The following CACNA2D3 variants were observed in gnomAD, a reference collection of about 807,000 sequenced individuals.
CACNA2D3 encodes voltage-dependent calcium channel subunit alpha-2/delta-3.
A neutral mutation model predicts 160.6 loss-of-function variants in CACNA2D3; 60 were observed. The ratio of observed to expected loss-of-function variants is 0.37; its 90% CI spans 0.30 to 0.46. CACNA2D3 has a LOEUF of 0.46. Ranked by LOEUF, CACNA2D3 falls within the 20% of genes least tolerant of loss-of-function variation. CACNA2D3 has a pLI of 1.00. For synonymous variants in CACNA2D3, 558 were observed against 492.9 expected (o/e 1.13, Z -1.75); for missense variants, 1,205 against 1,365.0 (o/e 0.88, Z 1.85).
chr3:54,816,207 A>T lies in CACNA2D3; in HGVS notation c.1381-646A>T, dbSNP rs570569470. 3.9e-5 allele frequency among the ~76,000 whole-genome samples: 6 copies of T among 152,340 alleles called. No individual in the cohort carries two copies. In the South Asian group the frequency reaches 1.2e-3, roughly 32 times the overall value. On this transcript the variant is annotated intron_variant, in intron 13 of 37. Coordinates refer to ENST00000474759, the MANE Select transcript of CACNA2D3 (RefSeq NM_018398.3). Reference sequence around the variant, plus strand: ...CCTGGTGCATACTTCCTTAACCATCAATAAAGGGAACAGTTAATGTGCTAC... The same window carrying T: ...CCTGGTGCATACTTCCTTAACCATCTATAAAGGGAACAGTTAATGTGCTAC...
chr3:54,387,567 G>T (rs1432459517), intron 4 of CACNA2D3, among the ~76,000 whole-genome samples: 1 of 152,192 alleles, frequency 6.6e-6, no homozygotes. Context: ...CAGGAGAATT[G>T]CTTGAACCTG....
chr3:54,434,417 T>C (rs1489453292), intron 4 of CACNA2D3, among the ~76,000 whole-genome samples: 1 of 152,182 alleles, frequency 6.6e-6, no homozygotes, highest in African/African-American at 2.4e-5. Flanking sequence ...CTAGCTATCA[T>C]TTTGATTTTG....
intron 3 of CACNA2D3, among the ~76,000 whole-genome samples, chr3:54,367,124 C>G (rs1452654110): frequency 6.6e-6 from 1 of 152,190 alleles, no homozygotes; most frequent in Admixed American, 6.5e-5. Context: ...GTCTAATTCT[C>G]TTAGTACCAG....
chr3:54,510,126 G>T (rs1701436697), intron 5 of CACNA2D3, among the ~76,000 whole-genome samples: 1 of 152,068 alleles, frequency 6.6e-6, no homozygotes, highest in African/African-American at 2.4e-5. Context: ...CACATGCATA[G>T]GTAGATGGAT....
At chr3:54,486,074 G>A (rs1701011785) in intron 4 of CACNA2D3, among the ~76,000 whole-genome samples, 1 of 152,220 alleles carries the variant, frequency 6.6e-6, no homozygotes, top group African/African-American at 2.4e-5. Context: ...ACAGGGAGAA[G>A]CTGTGAGTGA....
intron 3 of CACNA2D3, among the ~76,000 whole-genome samples, chr3:54,361,098 TG>T (rs1187706760): frequency 6.6e-6 from 1 of 152,020 alleles, no homozygotes; most frequent in Admixed American, 6.6e-5. Context: ...AACATAAAAA[TG>T]TAATGTTTCT....
chr3:54,374,289 A>G (rs1418933001), intron 3 of CACNA2D3, among the ~76,000 whole-genome samples: 1 of 152,218 alleles, frequency 6.6e-6, no homozygotes, highest in African/African-American at 2.4e-5. Flanking sequence ...GATACCTGCC[A>G]TCTGCACATG....
At position 54,708,460 on chromosome 3, in the gene CACNA2D3, AGGAT is replaced by A. The variant is rs774765191; in HGVS notation, c.1168-44135_1168-44132del. 2.6e-5 allele frequency among the ~76,000 whole-genome samples: 4 copies of A among 152,356 alleles called. No individual in the cohort carries two copies. In the East Asian group the frequency reaches 5.8e-4, roughly 22 times the overall value. On this transcript the variant is annotated intron_variant, in intron 11 of 37. Coordinates refer to ENST00000474759, the MANE Select transcript of CACNA2D3 (RefSeq NM_018398.3). ...TAACCCTAATAAACACTTCTTCGAAAGGATGGAGTTGAACAGGATCCTTTTGGTT... is the reference window on the plus strand; with the variant it reads ...TAACCCTAATAAACACTTCTTCGAAAGGAGTTGAACAGGATCCTTTTGGTT...
chr3:54,535,668 A>G (rs930324529), intron 5 of CACNA2D3, among the ~76,000 whole-genome samples: 1 of 152,204 alleles, frequency 6.6e-6, no homozygotes, highest in Non-Finnish European at 1.5e-5. Flanking sequence ...AATTATTAAT[A>G]ATTATAGAGG....
intron 3 of CACNA2D3, among the ~76,000 whole-genome samples, chr3:54,381,763 C>T (rs1699106655): frequency 6.6e-6 from 1 of 152,202 alleles, no homozygotes; most frequent in Non-Finnish European, 1.5e-5. Context: ...GCTTCGCCTT[C>T]ACCAAAGCTG....
At chr3:54,541,201 T>C (rs866650867) in intron 5 of CACNA2D3, among the ~76,000 whole-genome samples, 35 of 138,996 alleles carry the variant, frequency 2.5e-4, no homozygotes, top group Non-Finnish European at 4.1e-4. Flanking sequence ...GGCGTGAACC[T>C]GGGAGGCAGA....
At chr3:54,450,049 C>T (rs781174254) in intron 4 of CACNA2D3, among the ~76,000 whole-genome samples, 6 of 151,334 alleles carry the variant, frequency 4.0e-5, no homozygotes, top group Admixed American at 6.6e-5. Flanking sequence ...TTTTCTCACC[C>T]GTTGTAAGCT....
intron 3 of CACNA2D3, among the ~76,000 whole-genome samples, chr3:54,333,376 A>G (rs1704307360): frequency 6.6e-6 from 1 of 152,032 alleles, no homozygotes; most frequent in Non-Finnish European, 1.5e-5. Flanking sequence ...CTGTGTCTGC[A>G]CTGCTCATTG....
intron 34 of CACNA2D3, among the ~76,000 whole-genome samples, chr3:55,015,681 C>G (rs1703312613): frequency 6.6e-6 from 1 of 152,086 alleles, no homozygotes; most frequent in African/African-American, 2.4e-5. Flanking sequence ...TTGTAAAAAT[C>G]AGAACCATGA....
chr3:54,162,058 A>G (rs1700355916), intron 2 of CACNA2D3, among the ~76,000 whole-genome samples: 1 of 152,104 alleles, frequency 6.6e-6, no homozygotes, highest in Admixed American at 6.5e-5. Flanking sequence ...AAGGCAAGAG[A>G]TGGAATTTAG....
intron 3 of CACNA2D3, among the ~76,000 whole-genome samples, chr3:54,384,222 T>C (rs77894490): frequency 0.051 from 7,720 of 152,272 alleles, 285 homozygotes; most frequent in Middle Eastern, 0.095. Context: ...TTCTCTAGAT[T>C]CTCAGTGCGT....
At chr3:54,820,962 A>G (rs971026891) in intron 14 of CACNA2D3, among the ~76,000 whole-genome samples, 2 of 152,156 alleles carry the variant, frequency 1.3e-5, no homozygotes, top group Admixed American at 1.3e-4. Flanking sequence ...AATTTAATCA[A>G]TGTAGGTTTA....
chr3:54,840,474 C>A (rs1385115384), intron 16 of CACNA2D3, among the ~76,000 whole-genome samples: 2 of 139,948 alleles, frequency 1.4e-5, no homozygotes, highest in Non-Finnish European at 3.0e-5. Flanking sequence ...GCAGTGGCAC[C>A]GTCTCAGCTC....
chr3:54,816,636 C>T (rs78677366), intron 13 of CACNA2D3, among the ~76,000 whole-genome samples: 1,577 of 152,180 alleles, frequency 0.01, 22 homozygotes, highest in African/African-American at 0.036. Context: ...CTGGAAAGCT[C>T]GTAGATTATC....
Sources: allele counts gnomAD v4.1 joint callset (sites outside exome capture counted in the v4.1 genomes callset), GRCh38; gene constraint gnomAD v4.1.1; transcripts MANE v1.5; gene names NCBI Gene and HGNC (gene_info 2026-07-23, HGNC 2026-07-21).